The following SOX6 variants were observed in gnomAD, a reference collection of about 807,000 sequenced individuals.
The protein encoded by SOX6 is SRY-box transcription factor 6.
Under a neutral mutation model 97.8 loss-of-function variants are expected in SOX6, and 11 were observed. The ratio of observed to expected loss-of-function variants is 0.11; its 90% CI spans 0.07 to 0.19. The LOEUF is 0.19. SOX6 is among the 10% of genes least tolerant of loss of function. The pLI, the probability that SOX6 is intolerant of heterozygous loss-of-function variation, is 1.00. For missense variants in SOX6, 810 were observed against 1,039.5 expected, an observed-to-expected ratio of 0.78 and a Z score of 3.04; for synonymous variants, 360 against 371.4, an observed-to-expected ratio of 0.97 and a Z score of 0.35.
chr11:16,643,717 C>T lies in SOX6; in HGVS notation n.430-31457G>A, dbSNP rs375895887. Among the ~76,000 whole-genome samples the T allele has an allele frequency of 4.5e-4, 69 of 152,046 alleles. No homozygotes were observed. The East Asian group carries it at 5.8e-3, about 13-fold the overall frequency. ...TGGGCATAGGACCCTCCGAGCCAGGCGCAGAATATAATCTCCTGGTGTGCC... is the reference window on the plus strand; with the variant it reads ...TGGGCATAGGACCCTCCGAGCCAGGTGCAGAATATAATCTCCTGGTGTGCC... On this transcript the variant is annotated intron_variant and non_coding_transcript_variant, in intron 3 of 5. Coordinates refer to the SOX6 transcript ENST00000524520.
chr11:16,516,195 C>A (rs1045075641), intron 4 of SOX6, among the ~76,000 whole-genome samples: 2 of 151,178 alleles, frequency 1.3e-5, no homozygotes, highest in African/African-American at 4.9e-5. Context: ...GAGTGTTCTT[C>A]CATTTGTTTG....
At chr11:16,395,413 G>C (rs1344436447) in intron 1 of SOX6, among the ~76,000 whole-genome samples, 6 of 151,908 alleles carry the variant, frequency 3.9e-5, no homozygotes. Flanking sequence ...GAATGAATAG[G>C]AATCACTCTG....
chr11:16,186,469 G>A (rs1590009326), intron 5 of SOX6, among the ~76,000 whole-genome samples: 2 of 152,228 alleles, frequency 1.3e-5, no homozygotes, highest in Admixed American at 1.3e-4. Context: ...CTTACTCATA[G>A]TGAAGCTACA....
intron 2 of SOX6, among the ~76,000 whole-genome samples, chr11:16,735,625 G>GAATC (rs1371759278): frequency 6.6e-6 from 1 of 152,076 alleles, no homozygotes; most frequent in East Asian, 1.9e-4. Context: ...CTTAAGGACT[G>GAATC]AATCATTCAC....
At chr11:16,145,786 A>G (rs1205208738) in intron 6 of SOX6, among the ~76,000 whole-genome samples, 1 of 152,174 alleles carries the variant, frequency 6.6e-6, no homozygotes, top group Non-Finnish European at 1.5e-5. Flanking sequence ...TAGGAATCCA[A>G]CTTACAAGGG....
At chr11:16,716,414 G>A (rs76229097) in intron 2 of SOX6, among the ~76,000 whole-genome samples, 1,743 of 152,192 alleles carry the variant, frequency 0.011, 26 homozygotes, top group African/African-American at 0.04. Flanking sequence ...AGTAAGGCTG[G>A]TCAGTATCCA....
At chr11:16,635,962 G>T (rs563615626) in intron 3 of SOX6, among the ~76,000 whole-genome samples, 2 of 152,334 alleles carry the variant, frequency 1.3e-5, no homozygotes, top group African/African-American at 4.8e-5. Context: ...CCAAGCAGAG[G>T]TGTGGTCCTG....
intron 13 of SOX6, 71 bp downstream of exon 13, chr11:16,014,871 C>A: frequency 7.1e-7 from 1 of 1,400,412 alleles, no homozygotes; most frequent in Non-Finnish European, 1.0e-6. Flanking sequence ...TATAAAGATC[C>A]TATATCTAGC....
At chr11:16,349,141 C>T (rs1465698321) in intron 1 of SOX6, among the ~76,000 whole-genome samples, 1 of 152,030 alleles carries the variant, frequency 6.6e-6, no homozygotes, top group Non-Finnish European at 1.5e-5. Context: ...AGATAATGCT[C>T]CAAACAAACT....
intron 4 of SOX6, among the ~76,000 whole-genome samples, chr11:16,519,667 G>A (rs755069552): frequency 6.6e-6 from 1 of 152,150 alleles, no homozygotes; most frequent in Non-Finnish European, 1.5e-5. Flanking sequence ...AAACAGATGA[G>A]TACAGGTGTC....
chr11:16,104,598 C>G (rs933946542), intron 7 of SOX6, among the ~76,000 whole-genome samples: 4 of 150,448 alleles, frequency 2.7e-5, no homozygotes, highest in African/African-American at 9.7e-5. Context: ...TACACACATA[C>G]ACACACACAC....
chr11:16,321,642 T>A (rs890412320), intron 2 of SOX6, among the ~76,000 whole-genome samples: 1 of 152,044 alleles, frequency 6.6e-6, no homozygotes, highest in African/African-American at 2.4e-5. Flanking sequence ...TGACCCACAC[T>A]GTTCTTAGCC....
chr11:16,436,687 T>G (rs1023403882), intron 1 of SOX6, among the ~76,000 whole-genome samples: 2 of 152,166 alleles, frequency 1.3e-5, no homozygotes, highest in Non-Finnish European at 2.9e-5. Context: ...TAATAATATC[T>G]ACTTTACTGG....
At chr11:16,345,984 A>T (rs1035812333) in intron 1 of SOX6, among the ~76,000 whole-genome samples, 2 of 152,024 alleles carry the variant, frequency 1.3e-5, no homozygotes, top group Non-Finnish European at 2.9e-5. Context: ...TTTTATGATT[A>T]TTATCAAATG....
At chr11:16,028,521 G>A (rs963820194) in intron 12 of SOX6, among the ~76,000 whole-genome samples, 1 of 152,282 alleles carries the variant, frequency 6.6e-6, no homozygotes, top group East Asian at 1.9e-4. Flanking sequence ...CTGGCTAGGA[G>A]GGATGACAAC....
chr11:15,974,511 G>A (rs61570918), intron 15 of SOX6, among the ~76,000 whole-genome samples: 7,715 of 144,686 alleles, frequency 0.053, 543 homozygotes, highest in East Asian at 0.36. Flanking sequence ...TCTAGCATTA[G>A]GTATATCTCC....
chr11:16,294,666 A>G (rs995292612), intron 3 of SOX6, among the ~76,000 whole-genome samples: 26 of 152,228 alleles, frequency 1.7e-4, no homozygotes, highest in African/African-American at 6.0e-4. Flanking sequence ...TAAAATTCCA[A>G]GATTGCATGC....
At chr11:16,678,930 G>T (rs1053326727) in intron 3 of SOX6, among the ~76,000 whole-genome samples, 1 of 152,174 alleles carries the variant, frequency 6.6e-6, no homozygotes, top group Non-Finnish European at 1.5e-5. Flanking sequence ...GGCTTCAGTA[G>T]GCAGTTTTAT....
chr11:16,526,802 T>A (rs1861173427), intron 4 of SOX6, among the ~76,000 whole-genome samples: 1 of 151,970 alleles, frequency 6.6e-6, no homozygotes, highest in African/African-American at 2.4e-5. Flanking sequence ...AATAGAGACA[T>A]AGAACACAAA....
Sources: allele counts gnomAD v4.1 joint callset (sites outside exome capture counted in the v4.1 genomes callset), GRCh38; gene constraint gnomAD v4.1.1; transcripts MANE v1.5; gene names NCBI Gene and HGNC (gene_info 2026-07-23, HGNC 2026-07-21).